TTC28: variants seen among roughly 807,000 people sequenced by gnomAD.
TTC28 encodes the protein tetratricopeptide repeat domain 28, also known as tetratricopeptide repeat protein 28.
In TTC28, 61 loss-of-function variants were observed where a neutral mutation model predicts 198.0. The ratio of observed to expected loss-of-function variants is 0.31; its 90% CI spans 0.25 to 0.38. The LOEUF is 0.38. Ranked by LOEUF, TTC28 falls within the 10% of genes least tolerant of loss-of-function variation. The probability of loss-of-function intolerance (pLI) is 1.00; values close to 1 mark genes in which losing one functional copy is unlikely to be tolerated. For synonymous variants in TTC28, 1,171 were observed against 1,297.8 expected, an observed-to-expected ratio of 0.90 and a Z score of 2.10; for missense variants, 2,678 against 3,164.0, an observed-to-expected ratio of 0.85 and a Z score of 3.69.
intron 2 of TTC28, among the ~76,000 whole-genome samples, chr22:28,406,038 C>A (rs1180451453): frequency 6.6e-6 from 1 of 152,256 alleles, no homozygotes; most frequent in Non-Finnish European, 1.5e-5. Flanking sequence ...CCCTTGAATT[C>A]TTTCCTGGGT....
chr22:28,614,466 A>G (rs1005691134), intron 2 of TTC28, among the ~76,000 whole-genome samples: 1 of 152,228 alleles, frequency 6.6e-6, no homozygotes, highest in African/African-American at 2.4e-5. Flanking sequence ...TATGGAACCA[A>G]AAAGAGCCCA....
At chr22:28,230,813 T>C (rs1601508621) in intron 5 of TTC28, among the ~76,000 whole-genome samples, 1 of 152,312 alleles carries the variant, frequency 6.6e-6, no homozygotes, top group East Asian at 1.9e-4. Flanking sequence ...TTCATTCCAA[T>C]TCCAGGATTT....
chr22:28,041,605 T>C (rs1361260275), intron 12 of TTC28, among the ~76,000 whole-genome samples: 1 of 152,210 alleles, frequency 6.6e-6, no homozygotes, highest in African/African-American at 2.4e-5. Flanking sequence ...AAGACTTAAA[T>C]GTTAGACCTA....
chr22:28,640,477 A>G (rs9613658), intron 1 of TTC28, among the ~76,000 whole-genome samples: 41,029 of 151,630 alleles, frequency 0.27, 6,956 homozygotes, highest in Middle Eastern at 0.41. Flanking sequence ...TCAACTCATA[A>G]AATATTGAAC....
intron 2 of TTC28, among the ~76,000 whole-genome samples, chr22:28,376,913 G>C (rs760867792): frequency 2.0e-5 from 3 of 152,010 alleles, no homozygotes; most frequent in Non-Finnish European, 2.9e-5. Context: ...GAAACAGGCA[G>C]AACACTCTCC....
intron 5 of TTC28, among the ~76,000 whole-genome samples, chr22:28,293,909 C>A (rs1360624899): frequency 6.6e-6 from 1 of 152,100 alleles, no homozygotes; most frequent in East Asian, 1.9e-4. Flanking sequence ...AATAGTTGAG[C>A]TATCTATGGC....
intron 6 of TTC28, among the ~76,000 whole-genome samples, chr22:28,150,621 G>A (rs1231056966): frequency 2.0e-5 from 3 of 152,220 alleles, no homozygotes; most frequent in Non-Finnish European, 4.4e-5. Context: ...TAGGTCCAGG[G>A]TGCAGTGTCC....
chr22:28,555,870 T>G (rs1601561277), intron 2 of TTC28, among the ~76,000 whole-genome samples: 1 of 152,200 alleles, frequency 6.6e-6, no homozygotes, highest in Non-Finnish European at 1.5e-5. Flanking sequence ...TAGTTATGTC[T>G]TTTTTAATCC....
At chr22:28,470,087 C>T (rs113133141) in intron 2 of TTC28, among the ~76,000 whole-genome samples, 2,940 of 152,224 alleles carry the variant, frequency 0.019, 28 homozygotes, top group Non-Finnish European at 0.026. Flanking sequence ...TCAAGTGATC[C>T]TCCTGCCTCG....
chr22:28,440,364 C>T (rs149473017), intron 2 of TTC28, among the ~76,000 whole-genome samples: 118 of 152,230 alleles, frequency 7.8e-4, no homozygotes, highest in Admixed American at 1.4e-3. Flanking sequence ...TGCAGACTCA[C>T]ACCTTTAAAA....
At chr22:27,991,503 C>T (rs950602385) in intron 19 of TTC28, among the ~76,000 whole-genome samples, 1 of 152,236 alleles carries the variant, frequency 6.6e-6, no homozygotes, top group Non-Finnish European at 1.5e-5. Flanking sequence ...CAGGTGGAAA[C>T]AGCCCTAGGT....
chr22:28,627,524 T>C (rs1157806819), intron 2 of TTC28, among the ~76,000 whole-genome samples: 1 of 151,610 alleles, frequency 6.6e-6, no homozygotes, highest in Non-Finnish European at 1.5e-5. Context: ...CTCTGCCTCT[T>C]GGGTTCAAGC....
intron 2 of TTC28, among the ~76,000 whole-genome samples, chr22:28,534,299 G>A (rs1448288116): frequency 6.6e-6 from 1 of 152,066 alleles, no homozygotes. Flanking sequence ...GCAGCCAAAA[G>A]ACACATGAAA....
intron 12 of TTC28, among the ~76,000 whole-genome samples, chr22:28,034,239 G>GC (rs1412959024): frequency 6.6e-6 from 1 of 152,178 alleles, no homozygotes; most frequent in East Asian, 1.9e-4. Context: ...GGGAGACAGG[G>GC]CCCATGAGCT....
intron 5 of TTC28, among the ~76,000 whole-genome samples, chr22:28,169,179 G>C (rs1425606339): frequency 6.6e-6 from 1 of 152,188 alleles, no homozygotes; most frequent in Non-Finnish European, 1.5e-5. Context: ...AACAACAGGT[G>C]CTGGAGAGGA....
chr22:28,119,921 C>A (rs964022267), intron 6 of TTC28, among the ~76,000 whole-genome samples: 3 of 152,134 alleles, frequency 2.0e-5, no homozygotes, highest in African/African-American at 7.2e-5. Context: ...AAACTGAAAA[C>A]CTTACTTTAA....
At chr22:28,638,121 C>A (rs1011341443) in intron 1 of TTC28, among the ~76,000 whole-genome samples, 4 of 152,108 alleles carry the variant, frequency 2.6e-5, no homozygotes, top group African/African-American at 4.8e-5. Context: ...CTTCAATATG[C>A]AACTTTCAAC....
chr22:28,422,160 A>G (rs886223216), intron 2 of TTC28, among the ~76,000 whole-genome samples: 6 of 152,224 alleles, frequency 3.9e-5, no homozygotes, highest in Non-Finnish European at 8.8e-5. Context: ...TCAACACAAT[A>G]AAAGCAACAG....
At chr22:28,509,455 A>G (rs1436174743) in intron 2 of TTC28, among the ~76,000 whole-genome samples, 2 of 152,192 alleles carry the variant, frequency 1.3e-5, no homozygotes, top group Non-Finnish European at 2.9e-5. Flanking sequence ...TGAAACTAAG[A>G]AAGAAATCAA....
Sources: allele counts gnomAD v4.1 joint callset (sites outside exome capture counted in the v4.1 genomes callset), GRCh38; gene constraint gnomAD v4.1.1; transcripts MANE v1.5; gene names NCBI Gene and HGNC (gene_info 2026-07-23, HGNC 2026-07-21).